The following PCDH9 variants were observed in gnomAD, a reference collection of about 807,000 sequenced individuals.
PCDH9 encodes the protein protocadherin 9.
In PCDH9, 24 loss-of-function variants were observed where a neutral mutation model predicts 70.6. The observed-to-expected ratio is 0.34, with a 90% CI of 0.25 to 0.48. The LOEUF is 0.48. Among genes scored for constraint, PCDH9 ranks in the 20% least tolerant of loss-of-function variants. The pLI is 0.99. For missense variants in PCDH9, 1,281 were observed against 1,503.6 expected, an observed-to-expected ratio of 0.85 and a Z score of 2.45; for synonymous variants, 562 against 558.5, an observed-to-expected ratio of 1.01 and a Z score of -0.09.
intron 3 of PCDH9, among the ~76,000 whole-genome samples, chr13:66,849,797 G>A (rs898011648): frequency 6.6e-6 from 1 of 152,130 alleles, no homozygotes; most frequent in African/African-American, 2.4e-5. Context: ...AATAGACGCT[G>A]CTTTTATCAC....
chr13:66,865,288 T>C (rs2081554166), intron 3 of PCDH9, among the ~76,000 whole-genome samples: 1 of 152,180 alleles, frequency 6.6e-6, no homozygotes, highest in Admixed American at 6.5e-5. Flanking sequence ...TGTGGACACA[T>C]TTGCCTCACA....
chr13:66,738,229 C>T (rs2079189512), intron 3 of PCDH9, among the ~76,000 whole-genome samples: 1 of 151,308 alleles, frequency 6.6e-6, no homozygotes, highest in Non-Finnish European at 1.5e-5. Context: ...CCAGCAGGGG[C>T]ACACTGACAC....
chr13:66,698,448 G>A (rs983741123), intron 3 of PCDH9, among the ~76,000 whole-genome samples: 1 of 152,092 alleles, frequency 6.6e-6, no homozygotes, highest in African/African-American at 2.4e-5. Context: ...ATTTTACATA[G>A]TGCTACTACT....
chr13:67,150,758 C>T (rs1406197775), intron 2 of PCDH9, among the ~76,000 whole-genome samples: 3 of 152,174 alleles, frequency 2.0e-5, no homozygotes, highest in Non-Finnish European at 2.9e-5. Flanking sequence ...AACTTGTACT[C>T]GCCCTTTGTA....
chr13:66,757,467 A>G (rs1320026529), intron 3 of PCDH9, among the ~76,000 whole-genome samples: 2 of 152,140 alleles, frequency 1.3e-5, no homozygotes, highest in East Asian at 3.9e-4. Flanking sequence ...TACTTAATTT[A>G]CCATCATTGG....
chr13:66,455,535 T>G (rs1277106177), intron 4 of PCDH9, among the ~76,000 whole-genome samples: 1 of 152,056 alleles, frequency 6.6e-6, no homozygotes, highest in Non-Finnish European at 1.5e-5. Flanking sequence ...AGTTTTTGAC[T>G]GAAAGTATGA....
At chr13:67,144,448 T>A (rs2087471974) in intron 2 of PCDH9, among the ~76,000 whole-genome samples, 2 of 152,190 alleles carry the variant, frequency 1.3e-5, no homozygotes, top group African/African-American at 4.8e-5. Flanking sequence ...CTATTAATTC[T>A]GAACCATCTC....
intron 4 of PCDH9, among the ~76,000 whole-genome samples, chr13:66,402,569 T>C (rs147794465): frequency 4.6e-5 from 7 of 152,268 alleles, no homozygotes; most frequent in African/African-American, 1.7e-4. Flanking sequence ...GGCCTGAATC[T>C]TTGATTTATC....
intron 2 of PCDH9, among the ~76,000 whole-genome samples, chr13:67,131,135 T>C (rs2087103064): frequency 6.6e-6 from 1 of 152,190 alleles, no homozygotes; most frequent in South Asian, 2.1e-4. Context: ...GGTGCATGTT[T>C]ACTTTACTTA....
intron 3 of PCDH9, among the ~76,000 whole-genome samples, chr13:66,873,208 C>T (rs2081729619): frequency 6.6e-6 from 1 of 152,052 alleles, no homozygotes; most frequent in African/African-American, 2.4e-5. Context: ...CGTCAGTCTA[C>T]TTTGTTATTT....
At chr13:67,124,135 T>G (rs889302323) in intron 2 of PCDH9, among the ~76,000 whole-genome samples, 23 of 152,284 alleles carry the variant, frequency 1.5e-4, no homozygotes, top group Admixed American at 1.4e-3. Flanking sequence ...GTAAAATGCA[T>G]GCACTCTTTA....
At chr13:66,421,890 C>T (rs1049701913) in intron 4 of PCDH9, among the ~76,000 whole-genome samples, 12 of 152,120 alleles carry the variant, frequency 7.9e-5, no homozygotes, top group African/African-American at 1.9e-4. Context: ...CAAGACCCAT[C>T]GGTGTGCTGT....
At chr13:66,907,912 T>C (rs1266817038) in intron 2 of PCDH9, among the ~76,000 whole-genome samples, 6 of 152,190 alleles carry the variant, frequency 3.9e-5, no homozygotes, top group Non-Finnish European at 7.4e-5. Flanking sequence ...TTTTGTGCTA[T>C]AGGTTTCATT....
chr13:66,393,148 C>T (rs979902098), intron 4 of PCDH9, among the ~76,000 whole-genome samples: 3 of 152,070 alleles, frequency 2.0e-5, no homozygotes, highest in South Asian at 2.1e-4. Flanking sequence ...TAAAATGACA[C>T]GATTCTTATT....
intron 4 of PCDH9, among the ~76,000 whole-genome samples, chr13:66,435,007 A>T (rs1957843174): frequency 1.3e-5 from 2 of 152,142 alleles, no homozygotes; most frequent in African/African-American, 4.8e-5. Flanking sequence ...TAAGACTGGA[A>T]GGATAAATCA....
At chr13:67,184,886 A>G (rs1204456961) in intron 2 of PCDH9, among the ~76,000 whole-genome samples, 1 of 152,150 alleles carries the variant, frequency 6.6e-6, no homozygotes, top group Non-Finnish European at 1.5e-5. Context: ...TCAAAAGATT[A>G]TTCATCCTTC....
chr13:67,220,459 A>C lies in PCDH9; in HGVS notation c.3036+4946T>G, dbSNP rs577145436. The stretch of plus-strand genomic sequence containing the variant: ...TAAATTCCCTCTACTTTACTATTTC[A>C]CATATTTTAATTTAATGTATGAAAT... On this transcript the variant is annotated intron_variant, in intron 2 of 4. Coordinates refer to ENST00000377865, the MANE Select transcript of PCDH9 (RefSeq NM_203487.3). The C allele has an allele frequency of 2.6e-5, 4 of 152,130 alleles. No individual in the cohort carries two copies. In the East Asian group the frequency reaches 7.7e-4, roughly 29 times the overall value. The allele number at this position is 152,130 out of a possible 1,614,324, so 9.4% of individuals were successfully genotyped here. A position where few individuals can be genotyped will look rare whatever the true frequency, so the allele number is the denominator to read the frequency against.
chr13:66,598,168 G>A (rs1169810797), intron 4 of PCDH9, among the ~76,000 whole-genome samples: 1 of 151,746 alleles, frequency 6.6e-6, no homozygotes, highest in Admixed American at 6.6e-5. Context: ...TACAGAAAAT[G>A]GTATGGAGTT....
chr13:66,342,474 C>G (rs561025697), intron 4 of PCDH9, among the ~76,000 whole-genome samples: 3 of 152,288 alleles, frequency 2.0e-5, no homozygotes, highest in South Asian at 4.1e-4. Flanking sequence ...CTCCTTATAA[C>G]AGGATAGTTA....
Sources: gnomAD v4.1 joint callset for allele counts (sites outside exome capture counted in the v4.1 genomes callset) on GRCh38, gnomAD v4.1.1 for gene constraint, MANE v1.5 for transcripts, NCBI Gene and HGNC (gene_info 2026-07-23, HGNC 2026-07-21) for gene names.